VWA3B: variants seen among roughly 807,000 people sequenced by gnomAD.
VWA3B encodes von Willebrand factor A domain containing 3B.
Under a neutral mutation model 158.3 loss-of-function variants are expected in VWA3B, and 138 were observed. The observed-to-expected ratio is 0.87, with a 90% CI of 0.76 to 1.00. The LOEUF is 1.00. Ranked by LOEUF, VWA3B falls within the 50% of genes least tolerant of loss-of-function variation. VWA3B has a pLI of 0.00. For missense variants in VWA3B, 1,555 were observed against 1,565.1 expected, an observed-to-expected ratio of 0.99 and a Z score of 0.11; for synonymous variants, 596 against 587.3, an observed-to-expected ratio of 1.01 and a Z score of -0.21.
chr2:98,294,615 G>T (rs1174214897), intron 23 of VWA3B, among the ~76,000 whole-genome samples: 4 of 152,250 alleles, frequency 2.6e-5, no homozygotes, highest in Non-Finnish European at 5.9e-5. Flanking sequence ...ACCCTTATTT[G>T]AAATCATTAT....
chr2:98,285,098 C>T (rs1689088357), intron 22 of VWA3B, among the ~76,000 whole-genome samples: 1 of 152,104 alleles, frequency 6.6e-6, no homozygotes, highest in Non-Finnish European at 1.5e-5. Context: ...TCAATGACTT[C>T]TAATAAAATT....
chr2:98,178,640 T>C lies in VWA3B; in HGVS notation c.1115-2376T>C, dbSNP rs116061988. 5.5e-3 allele frequency among the ~76,000 whole-genome samples: 832 copies of C among 152,348 alleles called. 9 individuals are homozygous for C. The highest frequency in any genetic ancestry group is 0.019 in the African/African-American group (799 of 41,570). ...GCTGATGGGGTTACCAAGTCATAACTGAGAAGCCCTTTCCACCTTAAGCCA... is the reference window on the plus strand; with the variant it reads ...GCTGATGGGGTTACCAAGTCATAACCGAGAAGCCCTTTCCACCTTAAGCCA... On this transcript the variant is annotated intron_variant, in intron 8 of 27. Transcript: ENST00000477737.
chr2:98,183,786 T>C (rs1680786084), intron 9 of VWA3B, among the ~76,000 whole-genome samples: 1 of 152,234 alleles, frequency 6.6e-6, no homozygotes, highest in Non-Finnish European at 1.5e-5. Flanking sequence ...TGATGAGATG[T>C]TGAACAAATC....
chr2:98,192,758 G>T (rs773545704), intron 10 of VWA3B, 140 bp from the exon 11 acceptor site: 1 of 1,191,756 alleles, frequency 8.4e-7, no homozygotes, highest in South Asian at 1.4e-5. Context: ...ACCTCAAAGC[G>T]AATGATCTAC....
intron 7 of VWA3B, among the ~76,000 whole-genome samples, chr2:98,140,343 G>A (rs993853040): frequency 6.6e-6 from 1 of 152,208 alleles, no homozygotes; most frequent in Non-Finnish European, 1.5e-5. Context: ...CCTGGGCAGA[G>A]CAGGATCTTT....
At chr2:98,328,201 G>A in the VWA3B span, among the ~76,000 whole-genome samples, 21 of 151,520 alleles carry the variant, frequency 1.4e-4, no homozygotes, top group Non-Finnish European at 3.1e-4. Context: ...CAAATCCCTC[G>A]AACCCCCTAT....
intron 2 of VWA3B, among the ~76,000 whole-genome samples, chr2:98,106,701 A>G (rs1181832300): frequency 3.3e-5 from 5 of 152,198 alleles, no homozygotes; most frequent in Non-Finnish European, 7.4e-5. Flanking sequence ...CATTCCTAGT[A>G]TATAGAAATA....
chr2:98,293,255 A>G lies in VWA3B; in HGVS notation c.3157+2633A>G, dbSNP rs545059485. ...ACTATACTCCCAACAGCCGCATGGG[A>G]TCTGACTAAGCAGGAATTTTTAATT... On this transcript the variant is annotated intron_variant, in intron 23 of 27. Transcript: ENST00000477737. Among the ~76,000 whole-genome samples the G allele has an allele frequency of 1.1e-4, 16 of 152,354 alleles. No individual in the cohort carries two copies. In the South Asian group the frequency reaches 2.9e-3, roughly 28 times the overall value.
intron 6 of VWA3B, among the ~76,000 whole-genome samples, chr2:98,132,345 G>A (rs1167687877): frequency 6.6e-6 from 1 of 152,180 alleles, no homozygotes; most frequent in Non-Finnish European, 1.5e-5. Flanking sequence ...TTGGCCATGG[G>A]GCCCCAGCTG....
chr2:98,298,026 C>A lies in VWA3B; in HGVS notation c.3277C>A (p.Leu1093Ile). Residue 1093 changes from leucine (L) to isoleucine (I), a missense_variant, in exon 24 of 28, where the codon CTC becomes ATC. Coordinates refer to ENST00000477737, the MANE Select transcript of VWA3B (RefSeq NM_144992.5). ...PVGGAMPCPL[L>I]QVGDYVFAKI... ...GGGGGGCGCCATGCCCTGCCCGCTG[C>A]TCCAGGTACCCAGTCCCTGATGTGT... 6.4e-7 allele frequency: 1 copy of A among 1,557,066 alleles called. No homozygotes were observed. Among genetic ancestry groups the A allele is most frequent in the Non-Finnish European group, 8.7e-7 (1 of 1,153,304 alleles).
chr2:98,163,010 T>C, intron 8 of VWA3B, 34 bp downstream of exon 8: 1 of 1,609,920 alleles, frequency 6.2e-7, no homozygotes, highest in South Asian at 1.1e-5. Context: ...GTGTAAAAGA[T>C]TCATAAATGT....
chr2:98,249,734 A>G (rs1686674037), intron 19 of VWA3B, among the ~76,000 whole-genome samples: 1 of 152,022 alleles, frequency 6.6e-6, no homozygotes, highest in African/African-American at 2.4e-5. Context: ...ATTCTTTCAC[A>G]CGTGTAAGAA....
chr2:98,207,349 A>C (rs1683109739), intron 12 of VWA3B: 2 of 487,120 alleles, frequency 4.1e-6, no homozygotes, highest in African/African-American at 3.9e-5. Flanking sequence ...TCTGGACTCC[A>C]TCTCTCACAT....
At chr2:98,250,516 G>T in intron 20 of VWA3B, 80 bp downstream of exon 20, 9 of 1,092,554 alleles carry the variant, frequency 8.2e-6, no homozygotes, top group South Asian at 3.5e-5. Context: ...TTTTAGCTTA[G>T]CTTTTTTTTT....
At chr2:98,153,865 AT>A (rs966363733) in intron 7 of VWA3B, among the ~76,000 whole-genome samples, 37 of 152,034 alleles carry the variant, frequency 2.4e-4, no homozygotes, top group African/African-American at 8.9e-4. Flanking sequence ...TTTCTTTTCT[AT>A]TTTTTTAAAT....
chr2:98,109,106 C>T (rs1370867149), intron 2 of VWA3B, among the ~76,000 whole-genome samples: 1 of 151,684 alleles, frequency 6.6e-6, no homozygotes, highest in Non-Finnish European at 1.5e-5. Flanking sequence ...AATTCTCCTG[C>T]CTCAGCCTTC....
At chr2:98,266,490 G>A (rs1687837746) in intron 21 of VWA3B, among the ~76,000 whole-genome samples, 1 of 150,846 alleles carries the variant, frequency 6.6e-6, no homozygotes, top group South Asian at 2.1e-4. Flanking sequence ...GATGCCTCCA[G>A]CTTTGTTCTT....
chr2:98,277,952 A>G (rs561323123), intron 22 of VWA3B, among the ~76,000 whole-genome samples: 30 of 152,024 alleles, frequency 2.0e-4, no homozygotes, highest in African/African-American at 7.0e-4. Flanking sequence ...GTCATTCTTC[A>G]ATTGTAACTT....
At chr2:98,239,236 C>CTACAGAGAATAATTA (rs1685907561) in intron 19 of VWA3B, among the ~76,000 whole-genome samples, 1 of 152,118 alleles carries the variant, frequency 6.6e-6, no homozygotes, top group Non-Finnish European at 1.5e-5. Context: ...ATTACTACAG[C>CTACAGAGAATAATTA]CTTTAGCCAA....
Sources: allele counts gnomAD v4.1 joint callset (sites outside exome capture counted in the v4.1 genomes callset), GRCh38; gene constraint gnomAD v4.1.1; transcripts MANE v1.5; gene names NCBI Gene and HGNC (gene_info 2026-07-23, HGNC 2026-07-21).